Variants in ADCY10 observed in about 807,000 individuals in gnomAD.
ADCY10 encodes the protein adenylate cyclase type 10.
ADCY10 carries 156 observed loss-of-function variants against 183.3 expected under a neutral mutation model. The observed-to-expected ratio is 0.85, with a 90% CI of 0.75 to 0.97. The LOEUF is 0.97. ADCY10 is among the 50% of genes least tolerant of loss of function. The pLI is 0.00. For missense variants in ADCY10, 1,745 were observed against 1,934.3 expected (o/e 0.90, Z 1.84); for synonymous variants, 645 against 670.0 (o/e 0.96, Z 0.58).
chr1:167,900,126 G>A (rs1369751455), intron 5 of ADCY10, among the ~76,000 whole-genome samples: 1 of 152,198 alleles, frequency 6.6e-6, no homozygotes, highest in Non-Finnish European at 1.5e-5. Context: ...GTTGGTAAAT[G>A]AAAGTTTTGG....
In ADCY10 at chr1:167,880,562, A is replaced by G; in HGVS notation, c.1068T>C (p.Pro356=). ...ATTCCAGAGCATGAGTGAGCTCGTC[A>G]GGTACCTTTTCCCCAGGGAAGCCAA... ...CVFGFPGEKV[P]DELTHALECA... Residue 356 remains proline (P), a synonymous_variant, in exon 10 of 33, where the codon CCT becomes CCC. Transcript: ENST00000367851. The G allele has an allele frequency of 1.2e-6, 2 of 1,614,164 alleles. No homozygotes were observed. The highest frequency in any genetic ancestry group is 1.7e-6 in the Non-Finnish European group (2 of 1,180,012).
chr1:167,861,411 T>C (rs1299417454), intron 14 of ADCY10, among the ~76,000 whole-genome samples: 1 of 152,224 alleles, frequency 6.6e-6, no homozygotes, highest in Non-Finnish European at 1.5e-5. Context: ...CACACAAGAC[T>C]TTCCAAAGCC....
chr1:167,876,676 G>A (rs1381163832), intron 12 of ADCY10, among the ~76,000 whole-genome samples: 1 of 152,092 alleles, frequency 6.6e-6, no homozygotes, highest in Non-Finnish European at 1.5e-5. Context: ...ACAGGCTTTG[G>A]GATCAGATAG....
chr1:167,818,033 A>C (rs768093408), intron 31 of ADCY10, 39 bp downstream of exon 31: 1 of 1,562,256 alleles, frequency 6.4e-7, no homozygotes, highest in East Asian at 2.2e-5. Context: ...GATCCATTTA[A>C]GGCATATTTT....
intron 6 of ADCY10, among the ~76,000 whole-genome samples, chr1:167,898,984 C>G (rs961980001): frequency 6.6e-6 from 1 of 152,152 alleles, no homozygotes; most frequent in African/African-American, 2.4e-5. Context: ...TCTCTTCTAT[C>G]ACTGAACTTC....
rs755328364 is a variant in ADCY10, at chr1:167,846,237, T to A, written c.2464A>T (p.Met822Leu). Reference protein sequence around the residue: ...KEISLIQLDSMRLSHQMLVRC... With the variant: ...KEISLIQLDSLRLSHQMLVRC... ...ACCAGCATTTGGTGGGAAAGTCTCA[T>A]GCTATCCAGCTGGATCAGAGAGATT... The change falls in exon 20 of 33, where the codon ATG (methionine) becomes TTG (leucine). Residue 822 changes from methionine to leucine, a missense_variant. Met to Leu is a conservative substitution (Grantham distance 15). Transcript: ENST00000367851. 4 of 1,614,200 alleles carry A rather than the reference T, an allele frequency of 2.5e-6. No individual in the cohort carries two copies. The East Asian group carries it at 8.9e-5, about 36-fold the overall frequency.
chr1:167,830,419 C>G (rs758974052), intron 25 of ADCY10, among the ~76,000 whole-genome samples: 1 of 151,076 alleles, frequency 6.6e-6, no homozygotes, highest in Non-Finnish European at 1.5e-5. Context: ...GTTTTTTGAG[C>G]CTCGCTCTGT....
intron 16 of ADCY10, among the ~76,000 whole-genome samples, chr1:167,857,649 A>G (rs1666002657): frequency 6.6e-6 from 1 of 152,234 alleles, no homozygotes; most frequent in African/African-American, 2.4e-5. Flanking sequence ...CATTATACTT[A>G]CTATGTTCCA....
rs1444281093 is a variant in ADCY10, at chr1:167,902,007, C to T, written c.292+9G>A. On this transcript the variant is annotated intron_variant, in intron 4 of 32. Transcript: ENST00000367851. ...TTCTTACCCCTTCTATCTTAGTAAG[C>T]CCCCATACCTGCAAATTTCAGGATG... The T allele has an allele frequency of 6.2e-7, 1 of 1,613,552 alleles. No homozygotes were observed. The highest frequency in any genetic ancestry group is 1.3e-5 in the African/African-American group (1 of 74,774).
chr1:167,836,956 C>T (rs530159773), intron 22 of ADCY10: 16 of 394,946 alleles, frequency 4.1e-5, no homozygotes, highest in Non-Finnish European at 6.0e-5. Context: ...ACCCAGAAGG[C>T]GGAGGTTGCA....
intron 6 of ADCY10, among the ~76,000 whole-genome samples, chr1:167,898,899 G>C (rs560254470): frequency 6.6e-6 from 1 of 152,074 alleles, no homozygotes; most frequent in Non-Finnish European, 1.5e-5. Flanking sequence ...ATATCCCAGG[G>C]ACAGTTCTGC....
In ADCY10 at chr1:167,836,462, AATGTCTTCGTCAG is replaced by A; in HGVS notation, c.3143_3155del (p.Ser1048LeufsTer13). ...CACACTGGCAAGATTCCAGAGGGAT[AATGTCTTCGTCAG>A]ATGTCTTCATTTTTGTTAAAACGTG... On this transcript the variant is annotated frameshift_variant, in exon 23 of 33. Coordinates refer to ENST00000367851, the MANE Select transcript of ADCY10 (RefSeq NM_018417.6). LOFTEE classifies it high-confidence loss of function. The A allele has an allele frequency of 1.9e-6, 3 of 1,614,166 alleles. No homozygotes were observed. Among genetic ancestry groups the A allele is most frequent in the Non-Finnish European group, 2.5e-6 (3 of 1,179,976 alleles).
At chr1:167,851,056 A>G (rs1363721046) in intron 18 of ADCY10, among the ~76,000 whole-genome samples, 1 of 152,172 alleles carries the variant, frequency 6.6e-6, no homozygotes, top group Non-Finnish European at 1.5e-5. Flanking sequence ...CCTATTTACT[A>G]TATCCTAGGT....
At chr1:167,831,720 G>A (rs932402929) in intron 25 of ADCY10, among the ~76,000 whole-genome samples, 1 of 152,112 alleles carries the variant, frequency 6.6e-6, no homozygotes, top group Non-Finnish European at 1.5e-5. Flanking sequence ...ACCTGTTTTA[G>A]CAGATGAAAA....
At chr1:167,824,404 A>G (rs926334089) in intron 28 of ADCY10, 72 bp downstream of exon 28, 2 of 1,303,038 alleles carry the variant, frequency 1.5e-6, no homozygotes, top group Non-Finnish European at 2.2e-6. Context: ...GGACTAGGCT[A>G]AAGTTGAACC....
intron 1 of ADCY10, among the ~76,000 whole-genome samples, chr1:167,912,411 C>T (rs1479182821): frequency 3.3e-5 from 5 of 152,214 alleles, no homozygotes; most frequent in Non-Finnish European, 5.9e-5. Context: ...ACATGGCCAC[C>T]TCCACATACT....
intron 12 of ADCY10, 135 bp downstream of exon 12, chr1:167,878,310 TG>T: frequency 2.2e-6 from 2 of 929,898 alleles, no homozygotes; most frequent in Non-Finnish European, 3.4e-6. Flanking sequence ...TTTTGAAGTC[TG>T]GGCCTTGGTC....
At chr1:167,880,824 C>T (rs1291756799) in intron 9 of ADCY10, among the ~76,000 whole-genome samples, 3 of 152,184 alleles carry the variant, frequency 2.0e-5, no homozygotes, top group African/African-American at 7.2e-5. Flanking sequence ...TTGTTTTGCT[C>T]CAGATATAGT....
intron 30 of ADCY10, among the ~76,000 whole-genome samples, chr1:167,819,640 G>T (rs528435883): frequency 6.6e-6 from 1 of 151,940 alleles, no homozygotes; most frequent in Non-Finnish European, 1.5e-5. Flanking sequence ...TTGGCTCACC[G>T]CAACCTTCGC....
Sources: gnomAD v4.1 joint callset for allele counts (sites outside exome capture counted in the v4.1 genomes callset) on GRCh38, gnomAD v4.1.1 for gene constraint, MANE v1.5 for transcripts, NCBI Gene and HGNC (gene_info 2026-07-23, HGNC 2026-07-21) for gene names.